The following ATXN1L variants were observed in gnomAD, a reference collection of about 807,000 sequenced individuals.
ATXN1L encodes ataxin 1 like.
Under a neutral mutation model 43.4 loss-of-function variants are expected in ATXN1L, and 8 were observed. That is an observed-to-expected ratio of 0.18 (90% CI 0.11 to 0.33). The LOEUF (loss-of-function observed/expected upper bound fraction) is 0.33, where lower values mean the gene tolerates loss of function less well. Ranked by LOEUF, ATXN1L falls within the 10% of genes least tolerant of loss-of-function variation. The probability of loss-of-function intolerance (pLI) is 1.00; values close to 1 mark genes in which losing one functional copy is unlikely to be tolerated. For missense variants in ATXN1L, 856 were observed against 885.4 expected (o/e 0.97, Z 0.42); for synonymous variants, 379 against 360.6 (o/e 1.05, Z -0.58).
chr16:71,849,095 T>C (rs1044251056), intron 2 of ATXN1L, among the ~76,000 whole-genome samples: 1 of 151,498 alleles, frequency 6.6e-6, no homozygotes, highest in Non-Finnish European at 1.5e-5. Context: ...ATGCCTGTAG[T>C]CCCAGCTGCT....
Position 71,850,701 on chromosome 16 carries a change from G to C in ATXN1L, c.961G>C (p.Glu321Gln). Residue 321 changes from glutamate to glutamine, a missense_variant, in exon 3 of 3, where the codon GAG becomes CAG. This residue lies in a region of ATXN1L where 490 missense variants were observed against 449.4 expected (regional missense o/e 1.09). Transcript: ENST00000427980. Reference sequence around the variant, plus strand: ...TTCAGGTTCTCAGACTCCACGGGTAGAGGTAGCAGCACCAGCACACCGGGG... The same window carrying C: ...TTCAGGTTCTCAGACTCCACGGGTACAGGTAGCAGCACCAGCACACCGGGG... ...LFSGSQTPRV[E>Q]VAAPAHRGTP... 6.4e-7 allele frequency: 1 copy of C among 1,551,720 alleles called. No homozygotes were observed. Among genetic ancestry groups the C allele is most frequent in the Non-Finnish European group, 8.7e-7 (1 of 1,146,996 alleles).
In ATXN1L at chr16:71,850,669, AGTT is replaced by A. The variant is rs1173239900; in HGVS notation, c.933_935del (p.Leu311del). On this transcript the variant is annotated inframe_deletion, in exon 3 of 3. Transcript: ENST00000427980. Reference sequence around the variant, plus strand: ...GTGGTAGAATGTGTGGTGGATGGACAGTTGTTTTCAGGTTCTCAGACTCCACGG... The same window carrying A: ...GTGGTAGAATGTGTGGTGGATGGACAGTTTTCAGGTTCTCAGACTCCACGG... 1 of 1,551,718 alleles carries A rather than the reference AGTT, an allele frequency of 6.4e-7. No individual in the cohort carries two copies. The highest frequency in any genetic ancestry group is 8.7e-7 in the Non-Finnish European group (1 of 1,146,994).
rs11859593 is a variant in ATXN1L at position 71,847,162 on chromosome 16, G to T, written c.-179-848G>T. On this transcript the variant is annotated intron_variant, in intron 1 of 2. Coordinates refer to ENST00000427980, the MANE Select transcript of ATXN1L (RefSeq NM_001137675.4). The stretch of plus-strand genomic sequence containing the variant: ...CATTCGGTTTGGGTTGAGGCTTAGA[G>T]TGTTCTATAGGACTTGGACAGGATA... Among the ~76,000 whole-genome samples, 1,070 of 152,288 alleles carry T rather than the reference G, an allele frequency of 7.0e-3. 18 individuals carry two copies. The highest frequency in any genetic ancestry group is 0.023 in the African/African-American group (952 of 41,544).
chr16:71,849,341 A>G (rs2033475150), intron 2 of ATXN1L, among the ~76,000 whole-genome samples: 1 of 151,836 alleles, frequency 6.6e-6, no homozygotes, highest in Non-Finnish European at 1.5e-5. Flanking sequence ...CTAACCGTGA[A>G]GCTGTTGGTC....
At position 71,846,117 on chromosome 16, in the gene ATXN1L, G is replaced by A. The variant is rs1395305574; in HGVS notation, c.-180+13G>A. The A allele has an allele frequency of 5.3e-6, 1 of 189,024 alleles. No homozygotes were observed. The allele number at this position is 189,024 out of a possible 1,614,324, so 11.7% of individuals were successfully genotyped here. ...GTGAAATGGGCTGGTGAGTGTCCCT[G>A]GAAGTGGTGGCCGCCGGGGCCAGGC... On this transcript the variant is annotated intron_variant, in intron 1 of 2. Transcript: ENST00000427980.
intron 1 of ATXN1L, among the ~76,000 whole-genome samples, chr16:71,847,541 C>G (rs8050651): frequency 0.72 from 109,679 of 151,686 alleles, 40,306 homozygotes; most frequent in East Asian, 0.98. Flanking sequence ...TTTTCATCTA[C>G]TGCTGCTTTT....
Position 71,851,191 on chromosome 16 carries a change from G to A in ATXN1L, c.1451G>A (p.Arg484Gln), listed in dbSNP as rs1248373750. 3 of 1,551,652 alleles carry A rather than the reference G, an allele frequency of 1.9e-6. No homozygotes were observed. The highest frequency in any genetic ancestry group is 1.7e-6 in the Non-Finnish European group (2 of 1,146,986). ...CAGCTGGCTACGGGAGAGCTGAAGCGGGTGGAGGACCTCCAGACCCAGGAT... is the reference window on the plus strand; with the variant it reads ...CAGCTGGCTACGGGAGAGCTGAAGCAGGTGGAGGACCTCCAGACCCAGGAT... Reference protein sequence around the residue: ...IIQLATGELKRVEDLQTQDFV... With the variant: ...IIQLATGELKQVEDLQTQDFV... The change falls in exon 3 of 3, where the codon CGG becomes CAG. Residue 484 changes from arginine (R) to glutamine (Q), a missense_variant. Coordinates refer to ENST00000427980, the MANE Select transcript of ATXN1L (RefSeq NM_001137675.4). This position sits in a 1 kb window ranked among gnomAD's most constrained non-coding sequence, Gnocchi z 4.9.
chr16:71,850,666 G>A lies in ATXN1L; in HGVS notation c.926G>A (p.Gly309Glu). ...LVPVVECVVD[G>E]QLFSGSQTPR... ...CCAGTGGTAGAATGTGTGGTGGATG[G>A]ACAGTTGTTTTCAGGTTCTCAGACT... Residue 309 changes from glycine to glutamate, a missense_variant, in exon 3 of 3, where the codon GGA becomes GAA. Physicochemically the swap from Gly to Glu is moderately conservative, Grantham distance 98 (BLOSUM62 -2). This residue lies in a region of ATXN1L where 490 missense variants were observed against 449.4 expected (regional missense o/e 1.09). Coordinates refer to ENST00000427980, the MANE Select transcript of ATXN1L (RefSeq NM_001137675.4). The A allele has an allele frequency of 1.3e-6, 2 of 1,551,736 alleles. No individual in the cohort carries two copies. The highest frequency in any genetic ancestry group is 1.2e-5 in the South Asian group (1 of 84,068).
Position 71,851,667 on chromosome 16 carries a change from G to C in ATXN1L, c.1927G>C (p.Gly643Arg), listed in dbSNP as rs774130143. ...RVVEPSQPES[G>R]AQACWPAPSF... Reference sequence around the variant, plus strand: ...GGTAGAGCCTTCCCAGCCTGAGTCCGGTGCTCAGGCCTGCTGGCCAGCCCC... The same window carrying C: ...GGTAGAGCCTTCCCAGCCTGAGTCCCGTGCTCAGGCCTGCTGGCCAGCCCC... Residue 643 changes from glycine to arginine, a missense_variant, in exon 3 of 3, where the codon GGT (glycine) becomes CGT (arginine). By Grantham distance (125) the Gly-to-Arg change is moderately radical. Around this residue, in one of 7 missense-constraint regions of ATXN1L, gnomAD observed 185 missense variants for 176.8 expected, o/e 1.05. Transcript: ENST00000427980. The surrounding 1 kb of genome is among the most constrained non-coding windows in gnomAD (Gnocchi z 4.9). 2.1e-5 allele frequency: 32 copies of C among 1,513,644 alleles called. No individual in the cohort carries two copies. The highest frequency in any genetic ancestry group is 2.8e-5 in the African/African-American group (2 of 71,766). 93.8% of individuals were successfully genotyped at this position (1,513,644 alleles called of 1,614,324 possible).
At chr16:71,848,330 C>A in intron 2 of ATXN1L, 1 of 246,074 alleles carries the variant, frequency 4.1e-6, no homozygotes, top group South Asian at 3.7e-5. Flanking sequence ...CATACAGATA[C>A]GGGGAAAAAA....
In ATXN1L at chr16:71,852,325, C is replaced by T. The variant is rs1323258611; in HGVS notation, c.*515C>T. 6.0e-6 allele frequency: 1 copy of T among 167,152 alleles called. No individual in the cohort carries two copies. The highest frequency in any genetic ancestry group is 1.9e-4 in the East Asian group (1 of 5,198). 10.4% of individuals were successfully genotyped at this position (167,152 alleles called of 1,614,324 possible). On this transcript the variant is annotated 3_prime_UTR_variant, in exon 3 of 3. Coordinates refer to ENST00000427980, the MANE Select transcript of ATXN1L (RefSeq NM_001137675.4). ...GAACCCTTCTTGTGAGAGATGCGCA[C>T]TTTAAAGGGTGATTTTGTTCCAGAT...
Position 71,851,231 on chromosome 16 carries a change from C to T in ATXN1L, c.1491C>T (p.Ala497=), listed in dbSNP as rs113555078. 68 of 1,551,488 alleles carry T rather than the reference C, an allele frequency of 4.4e-5. No homozygotes were observed. The East Asian group carries it at 8.6e-4, about 20-fold the overall frequency. ...AGACCCAGGATTTTGTGCGCAGTGC[C>T]GAAGTGAGCGGGGGGCTGAAGATTG... ...DLQTQDFVRS[A]EVSGGLKIDS... is the part of the protein sequence containing the mutation. Residue 497 remains alanine (A), a synonymous_variant, in exon 3 of 3, where the codon GCC becomes GCT. Coordinates refer to ENST00000427980, the MANE Select transcript of ATXN1L (RefSeq NM_001137675.4). This position sits in a 1 kb window ranked among gnomAD's most constrained non-coding sequence, Gnocchi z 4.9.
Position 71,851,179 on chromosome 16 carries a change from G to A in ATXN1L, c.1439G>A (p.Gly480Glu). 6.4e-7 allele frequency: 1 copy of A among 1,551,704 alleles called. No individual in the cohort carries two copies. The highest frequency in any genetic ancestry group is 8.7e-7 in the Non-Finnish European group (1 of 1,146,998). ...MKGAIIQLAT[G>E]ELKRVEDLQT... is the part of the protein sequence containing the mutation. ...GGCGCCATCATCCAGCTGGCTACGG[G>A]AGAGCTGAAGCGGGTGGAGGACCTC... Residue 480 changes from glycine to glutamate, a missense_variant, in exon 3 of 3, where the codon GGA becomes GAA. By Grantham distance (98) the Gly-to-Glu change is moderately conservative (BLOSUM62 -2). Coordinates refer to ENST00000427980, the MANE Select transcript of ATXN1L (RefSeq NM_001137675.4). The surrounding 1 kb of genome is among the most constrained non-coding windows in gnomAD (Gnocchi z 4.9).
In ATXN1L at chr16:71,855,882, C is replaced by T. The variant is rs553270774; in HGVS notation, c.*4072C>T. The stretch of plus-strand genomic sequence containing the variant: ...AGCTGAACCTTATTAGGTTGGATGT[C>T]GATCAGGAACCTGTTTGCCCTTTGC... On this transcript the variant is annotated 3_prime_UTR_variant, in exon 3 of 3. Coordinates refer to ENST00000427980, the MANE Select transcript of ATXN1L (RefSeq NM_001137675.4). 1.5e-4 allele frequency: 25 copies of T among 167,140 alleles called. No homozygotes were observed. The highest frequency in any genetic ancestry group is 5.8e-4 in the African/African-American group (24 of 41,538). 10.4% of individuals were successfully genotyped at this position (167,140 alleles called of 1,614,324 possible).
In ATXN1L at chr16:71,849,836, C is replaced by T. The variant is rs373934062; in HGVS notation, c.96C>T (p.Cys32=). ...AGGATATGGGGAGAACTACCAGCTG[C>T]TCCACTAACCACACACCCTCCAGTG... The part of the protein sequence containing the change: ...TSEDMGRTTS[C]STNHTPSSDA... The change falls in exon 3 of 3, where the codon TGC becomes TGT. Residue 32 remains cysteine, a synonymous_variant. Transcript: ENST00000427980. 7.1e-6 allele frequency: 11 copies of T among 1,551,314 alleles called. No individual in the cohort carries two copies. Among genetic ancestry groups the T allele is most frequent in the Non-Finnish European group, 8.7e-6 (10 of 1,146,796 alleles).
At chr16:71,849,171 C>T (rs1045656030) in intron 2 of ATXN1L, among the ~76,000 whole-genome samples, 1 of 130,592 alleles carries the variant, frequency 7.7e-6, no homozygotes, top group Non-Finnish European at 1.6e-5. Flanking sequence ...TGAGATTGCA[C>T]CATGTACTGT....
rs1567389754 is a variant in ATXN1L at position 71,850,569 on chromosome 16, C to A, written c.829C>A (p.Arg277=). The part of the protein sequence containing the change: ...AANGGQRPRE[R]NLVRRESEAL... Reference sequence around the variant, plus strand: ...AAATGGAGGACAGAGACCACGAGAGCGAAATTTAGTAAGACGGGAAAGTGA... The same window carrying A: ...AAATGGAGGACAGAGACCACGAGAGAGAAATTTAGTAAGACGGGAAAGTGA... The change falls in exon 3 of 3, where the codon CGA becomes AGA. Residue 277 remains arginine, a synonymous_variant. Coordinates refer to ENST00000427980, the MANE Select transcript of ATXN1L (RefSeq NM_001137675.4). 1.3e-6 allele frequency: 2 copies of A among 1,551,660 alleles called. No homozygotes were observed. Among genetic ancestry groups the A allele is most frequent in the Non-Finnish European group, 1.7e-6 (2 of 1,147,004 alleles).
At position 71,846,044 on chromosome 16, in the gene ATXN1L, C is replaced by T. The variant is rs1002021663; in HGVS notation, c.-240C>T. 5.3e-6 allele frequency: 1 copy of T among 188,150 alleles called. No homozygotes were observed. Among genetic ancestry groups the T allele is most frequent in the South Asian group, 7.3e-5 (1 of 13,680 alleles). The allele number at this position is 188,150 out of a possible 1,614,324, so 11.7% of individuals were successfully genotyped here. On this transcript the variant is annotated 5_prime_UTR_variant, in exon 1 of 3. Transcript: ENST00000427980. ...CTCCGGGGCCGGGGATGGCGGCGGC[C>T]GCGGTTGCGGCGGCTCCGGGACGAG...
chr16:71,851,348 CATCG>C lies in ATXN1L; in HGVS notation c.1610_1613del (p.Ile537LysfsTer48). 6.4e-7 allele frequency: 1 copy of C among 1,551,674 alleles called. No homozygotes were observed. Among genetic ancestry groups the C allele is most frequent in the Non-Finnish European group, 8.7e-7 (1 of 1,146,992 alleles). On this transcript the variant is annotated frameshift_variant, in exon 3 of 3. Coordinates refer to ENST00000427980, the MANE Select transcript of ATXN1L (RefSeq NM_001137675.4). LOFTEE classifies it high-confidence loss of function. This position sits in a 1 kb window ranked among gnomAD's most constrained non-coding sequence, Gnocchi z 4.9. ...TTGGTGAGCAGCAGAGCAAAGTGAG[CATCG>C]AAGTGCCCCCCGAGCACCCCTTCTT...
Sources: allele counts gnomAD v4.1 joint callset (sites outside exome capture counted in the v4.1 genomes callset), GRCh38; gene constraint gnomAD v4.1.1; regional missense constraint gnomAD v4.1.1; non-coding constraint Gnocchi (gnomAD v3.1); transcripts MANE v1.5; gene names NCBI Gene and HGNC (gene_info 2026-07-23, HGNC 2026-07-21).